ATP5F1D: variants seen among roughly 807,000 people sequenced by gnomAD.
ATP5F1D encodes ATP synthase F1 subunit delta.
In ATP5F1D, 16 loss-of-function variants were observed where a neutral mutation model predicts 13.0. The observed-to-expected ratio is 1.23, with a 90% CI of 0.83 to 1.87. The LOEUF is 1.87. Among genes scored for constraint, ATP5F1D ranks in the 40% most tolerant of loss-of-function variants. ATP5F1D has a pLI of 0.00. For missense variants in ATP5F1D, 294 were observed against 246.2 expected, an observed-to-expected ratio of 1.19 and a Z score of -1.30; for synonymous variants, 129 against 116.2, an observed-to-expected ratio of 1.11 and a Z score of -0.71.
chr19:1,241,977 G>T lies in ATP5F1D; in HGVS notation c.127G>T (p.Ala43Ser). 1.4e-6 allele frequency: 2 copies of T among 1,468,736 alleles called. No homozygotes were observed. The highest frequency in any genetic ancestry group is 2.7e-5 in the East Asian group (1 of 36,610). 91.0% of individuals were successfully genotyped at this position (1,468,736 alleles called of 1,614,324 possible). A position where few individuals can be genotyped will look rare whatever the true frequency, so the allele number is the denominator to read the frequency against. Residue 43 changes from alanine (A) to serine (S), a missense_variant, in exon 1 of 4, where the codon GCC (alanine) becomes TCC (serine). By Grantham distance (99) the Ala-to-Ser change is moderately conservative. Transcript: ENST00000215375. Reference protein sequence around the residue: ...SGPNQMSFTFASPTQVFFNGA... With the variant: ...SGPNQMSFTFSSPTQVFFNGA... ...CCCCAACCAGATGTCCTTCACCTTC[G>T]CCTCTCCCACGCAGGTTCGGGCGCT...
At position 1,244,652 on chromosome 19, in the gene ATP5F1D, G is replaced by T. The variant is rs931726926; in HGVS notation, c.*215G>T. 3.9e-5 allele frequency: 28 copies of T among 711,902 alleles called. No individual in the cohort carries two copies. The highest frequency in any genetic ancestry group is 5.8e-5 in the Non-Finnish European group (26 of 448,980). The allele number at this position is 711,902 out of a possible 1,614,324, so 44.1% of individuals were successfully genotyped here. On this transcript the variant is annotated 3_prime_UTR_variant, in exon 4 of 4. Coordinates refer to ENST00000215375, the MANE Select transcript of ATP5F1D (RefSeq NM_001687.5). Reference sequence around the variant, plus strand: ...GGAAGCTCCTCCTCAGCTTTGAGCTGTGGCTGCCACCCATGGGGCTCTCCT... The same window carrying T: ...GGAAGCTCCTCCTCAGCTTTGAGCTTTGGCTGCCACCCATGGGGCTCTCCT...
intron 2 of ATP5F1D, chr19:1,243,339 G>A (rs2081047085): frequency 6.6e-6 from 1 of 152,204 alleles, no homozygotes; most frequent in Non-Finnish European, 1.5e-5. Context: ...GCAACATAGT[G>A]AGACCCTGTC....
Position 1,244,504 on chromosome 19 carries a change from A to C in ATP5F1D, c.*67A>C. The stretch of plus-strand genomic sequence containing the variant: ...GCAGGGATGCCAGGTGGGCCCAGCC[A>C]GCTCCTGGGGTCCCGGCCACCTGGG... On this transcript the variant is annotated 3_prime_UTR_variant, in exon 4 of 4. Coordinates refer to ENST00000215375, the MANE Select transcript of ATP5F1D (RefSeq NM_001687.5). 6.6e-7 allele frequency: 1 copy of C among 1,518,620 alleles called. No individual in the cohort carries two copies. Among genetic ancestry groups the C allele is most frequent in the Non-Finnish European group, 8.9e-7 (1 of 1,128,132 alleles). The allele number at this position is 1,518,620 out of a possible 1,614,324, so 94.1% of individuals were successfully genotyped here.
chr19:1,242,093 G>A, intron 1 of ATP5F1D, 102 bp downstream of exon 1: 1 of 1,246,510 alleles, frequency 8.0e-7, no homozygotes, highest in Non-Finnish European at 1.0e-6. Flanking sequence ...CCGGACCCGC[G>A]CGCCCCGGAA....
chr19:1,242,309 A>G, intron 1 of ATP5F1D, 147 bp from the exon 2 acceptor site: 3 of 1,040,884 alleles, frequency 2.9e-6, no homozygotes, highest in Non-Finnish European at 3.9e-6. Flanking sequence ...CCAAAGCTGC[A>G]ACTTCGGATC....
In ATP5F1D at chr19:1,241,793, G is replaced by A; in HGVS notation, c.-58G>A. 3 of 1,278,792 alleles carry A rather than the reference G, an allele frequency of 2.3e-6. No homozygotes were observed. The highest frequency in any genetic ancestry group is 1.6e-5 in the African/African-American group (1 of 63,716). The allele number at this position is 1,278,792 out of a possible 1,614,324, so 79.2% of individuals were successfully genotyped here. Reference sequence around the variant, plus strand: ...GTCCTCCTCGCCCTCCAGGCCGCCCGCGCCGCGCCGGAGTCCGCTGTCCGC... The same window carrying A: ...GTCCTCCTCGCCCTCCAGGCCGCCCACGCCGCGCCGGAGTCCGCTGTCCGC... On this transcript the variant is annotated 5_prime_UTR_variant, in exon 1 of 4. Transcript: ENST00000215375.
At position 1,244,198 on chromosome 19, in the gene ATP5F1D, G is replaced by C. The variant is rs2081051445; in HGVS notation, c.384+13G>C. 6.2e-7 allele frequency: 1 copy of C among 1,607,708 alleles called. No individual in the cohort carries two copies. The highest frequency in any genetic ancestry group is 8.5e-7 in the Non-Finnish European group (1 of 1,177,002). On this transcript the variant is annotated intron_variant, in intron 3 of 3. Transcript: ENST00000215375. ...GTTGGACCTGGGGGTGAGTGTCAGA[G>C]GGGACCTGAGGCTCAGCAGGTTGGA...
Position 1,241,905 on chromosome 19 carries a change from G to C in ATP5F1D, c.55G>C (p.Ala19Pro). ...GGGACTTGGCCGCCTCGTCCGCCACGCCCGTGCCTATGCCGAGGCCGCCGC... is the reference window on the plus strand; with the variant it reads ...GGGACTTGGCCGCCTCGTCCGCCACCCCCGTGCCTATGCCGAGGCCGCCGC... Reference protein sequence around the residue: ...RPGLGRLVRHARAYAEAAAAP... With the variant: ...RPGLGRLVRHPRAYAEAAAAP... Residue 19 changes from alanine to proline, a missense_variant, in exon 1 of 4, where the codon GCC becomes CCC. Ala to Pro is a conservative substitution (Grantham distance 27). Transcript: ENST00000215375. The C allele has an allele frequency of 6.7e-7, 1 of 1,481,600 alleles. No homozygotes were observed. The highest frequency in any genetic ancestry group is 2.2e-5 in the Admixed American group (1 of 46,290). 91.8% of individuals were successfully genotyped at this position (1,481,600 alleles called of 1,614,324 possible).
At chr19:1,244,243 A>G in intron 3 of ATP5F1D, 58 bp downstream of exon 3, 1 of 1,582,770 alleles carries the variant, frequency 6.3e-7, no homozygotes, top group East Asian at 2.3e-5. Context: ...GCTGCGGGGG[A>G]GGGAGCGCTG....
chr19:1,244,434 G>A lies in ATP5F1D; in HGVS notation c.504G>A (p.Glu168=), dbSNP rs1464187029. The A allele has an allele frequency of 1.3e-6, 2 of 1,555,196 alleles. No homozygotes were observed. Among genetic ancestry groups the A allele is most frequent in the Non-Finnish European group, 1.7e-6 (2 of 1,149,434 alleles). Residue 168 remains glutamate (E), a synonymous_variant, in exon 4 of 4, where the codon GAG becomes GAA. Coordinates refer to ENST00000215375, the MANE Select transcript of ATP5F1D (RefSeq NM_001687.5). ...EANEALVKAL[E] is the part of the protein sequence containing the mutation. Reference sequence around the variant, plus strand: ...ACGAGGCCCTGGTGAAGGCCCTGGAGTAGGCGGTGCGTACCCGGTGTCCCG... The same window carrying A: ...ACGAGGCCCTGGTGAAGGCCCTGGAATAGGCGGTGCGTACCCGGTGTCCCG...
At chr19:1,244,249 C>G in intron 3 of ATP5F1D, 64 bp downstream of exon 3, 3 of 1,580,652 alleles carry the variant, frequency 1.9e-6, no homozygotes, top group Non-Finnish European at 2.6e-6. Flanking sequence ...GGGGAGGGAG[C>G]GCTGGGGGAC....
In ATP5F1D at chr19:1,244,710, C is replaced by G; in HGVS notation, c.*273C>G. 1 of 474,426 alleles carries G rather than the reference C, an allele frequency of 2.1e-6. No individual in the cohort carries two copies. The allele number at this position is 474,426 out of a possible 1,614,324, so 29.4% of individuals were successfully genotyped here. Reference sequence around the variant, plus strand: ...CTCAAGATCCCCCCAGCCTGACGGGCCGCTTACCATCCCCTCTGCCCTGCA... The same window carrying G: ...CTCAAGATCCCCCCAGCCTGACGGGGCGCTTACCATCCCCTCTGCCCTGCA... On this transcript the variant is annotated 3_prime_UTR_variant, in exon 4 of 4. Transcript: ENST00000215375.
Position 1,244,098 on chromosome 19 carries a change from G to T in ATP5F1D, c.297G>T (p.Val99=), listed in dbSNP as rs752274936. ...CTTCCCCCCGCCCCATTCCCCCAGT[G>T]AGCAGCGGTTCCATCGCAGTGAACG... ...AEDGTTSKYF[V]SSGSIAVNAD... is the part of the protein sequence containing the mutation. The change falls in exon 3 of 4, where the codon GTG becomes GTT. Residue 99 remains valine (V), a splice_region_variant and synonymous_variant. Transcript: ENST00000215375. 6.2e-7 allele frequency: 1 copy of T among 1,609,570 alleles called. No individual in the cohort carries two copies. The highest frequency in any genetic ancestry group is 8.5e-7 in the Non-Finnish European group (1 of 1,178,044).
In ATP5F1D at chr19:1,241,906, C is replaced by G. The variant is rs1368184090; in HGVS notation, c.56C>G (p.Ala19Gly). 1 of 1,488,302 alleles carries G rather than the reference C, an allele frequency of 6.7e-7. No individual in the cohort carries two copies. The highest frequency in any genetic ancestry group is 1.3e-5 in the South Asian group (1 of 77,482). The allele number at this position is 1,488,302 out of a possible 1,614,324, so 92.2% of individuals were successfully genotyped here. Reference protein sequence around the residue: ...RPGLGRLVRHARAYAEAAAAP... With the variant: ...RPGLGRLVRHGRAYAEAAAAP... Reference sequence around the variant, plus strand: ...GGACTTGGCCGCCTCGTCCGCCACGCCCGTGCCTATGCCGAGGCCGCCGCC... The same window carrying G: ...GGACTTGGCCGCCTCGTCCGCCACGGCCGTGCCTATGCCGAGGCCGCCGCC... The change falls in exon 1 of 4, where the codon GCC becomes GGC. Residue 19 changes from alanine (A) to glycine (G), a missense_variant. Coordinates refer to ENST00000215375, the MANE Select transcript of ATP5F1D (RefSeq NM_001687.5).
In ATP5F1D at chr19:1,242,614, G is replaced by T. The variant is rs760924231; in HGVS notation, c.295+5G>T. The stretch of plus-strand genomic sequence containing the variant: ...GCACCACCTCCAAATACTTTGGTGA[G>T]TCCGGTGGAGGGCTGCAGGGCCAGG... On this transcript the variant is annotated splice_donor_5th_base_variant and intron_variant, in intron 2 of 3. Coordinates refer to ENST00000215375, the MANE Select transcript of ATP5F1D (RefSeq NM_001687.5). The T allele has an allele frequency of 5.9e-5, 89 of 1,504,856 alleles. No individual in the cohort carries two copies. Among genetic ancestry groups the T allele is most frequent in the Non-Finnish European group, 7.3e-5 (82 of 1,117,138 alleles). 93.2% of individuals were successfully genotyped at this position (1,504,856 alleles called of 1,614,324 possible). A position where few individuals can be genotyped will look rare whatever the true frequency, so the allele number is the denominator to read the frequency against.
rs1022744480 is a variant in ATP5F1D at position 1,244,476 on chromosome 19, T to A, written c.*39T>A. 1.3e-6 allele frequency: 2 copies of A among 1,535,912 alleles called. No individual in the cohort carries two copies. Among genetic ancestry groups the A allele is most frequent in the Non-Finnish European group, 1.8e-6 (2 of 1,137,820 alleles). On this transcript the variant is annotated 3_prime_UTR_variant, in exon 4 of 4. Transcript: ENST00000215375. Reference sequence around the variant, plus strand: ...GGTGTCCCGAGGCCCGGCCAGGGGCTGGGCAGGGATGCCAGGTGGGCCCAG... The same window carrying A: ...GGTGTCCCGAGGCCCGGCCAGGGGCAGGGCAGGGATGCCAGGTGGGCCCAG...
intron 2 of ATP5F1D, 139 bp from the exon 3 acceptor site, chr19:1,243,956 GTC>G (rs1330049296): frequency 1.2e-6 from 1 of 833,222 alleles, no homozygotes; most frequent in African/African-American, 1.7e-5. Flanking sequence ...AGTCCTGTGG[GTC>G]TGTTTGCACA....
rs775385179 is a variant in ATP5F1D at position 1,241,948 on chromosome 19, C to T, written c.98C>T (p.Ser33Phe). The change falls in exon 1 of 4, where the codon TCT becomes TTT. Residue 33 changes from serine to phenylalanine, a missense_variant. Physicochemically the swap from Ser to Phe is radical, Grantham distance 155. Transcript: ENST00000215375. ...AEAAAAPAAA[S>F]GPNQMSFTFA... ...GCCGCCGCCGCCCCGGCTGCCGCCT[C>T]TGGCCCCAACCAGATGTCCTTCACC... is the stretch of plus-strand genomic sequence containing the variant. 1 of 1,496,800 alleles carries T rather than the reference C, an allele frequency of 6.7e-7. No individual in the cohort carries two copies. Among genetic ancestry groups the T allele is most frequent in the South Asian group, 1.3e-5 (1 of 78,312 alleles). 92.7% of individuals were successfully genotyped at this position (1,496,800 alleles called of 1,614,324 possible).
chr19:1,242,228 A>G, intron 1 of ATP5F1D: 2 of 754,348 alleles, frequency 2.7e-6, no homozygotes, highest in Non-Finnish European at 1.9e-6. Flanking sequence ...TCCCTGGCCA[A>G]AGCCTGGGTG....
Sources: allele counts gnomAD v4.1 joint callset, GRCh38; gene constraint gnomAD v4.1.1; transcripts MANE v1.5; gene names NCBI Gene and HGNC (gene_info 2026-07-23, HGNC 2026-07-21).